The following LTBP4 variants were observed in gnomAD, a reference collection of about 807,000 sequenced individuals.
The protein encoded by LTBP4 is latent transforming growth factor beta binding protein 4.
LTBP4 carries 93 observed loss-of-function variants against 180.2 expected under a neutral mutation model. The observed-to-expected ratio is 0.52, with a 90% CI of 0.44 to 0.61. The LOEUF (loss-of-function observed/expected upper bound fraction) is 0.61, where lower values mean the gene tolerates loss of function less well. Among genes scored for constraint, LTBP4 ranks in the 20% least tolerant of loss-of-function variants. LTBP4 has a pLI of 0.00. For synonymous variants in LTBP4, 947 were observed against 934.5 expected (o/e 1.01, Z -0.24); for missense variants, 2,116 against 2,256.5 (o/e 0.94, Z 1.26).
rs1165322089 is a variant in LTBP4 at position 40,601,497 on chromosome 19, C to A, written c.110C>A (p.Thr37Asn). 6.7e-7 allele frequency: 1 copy of A among 1,497,458 alleles called. No individual in the cohort carries two copies. Among genetic ancestry groups the A allele is most frequent in the Admixed American group, 2.1e-5 (1 of 46,638 alleles). 92.8% of individuals were successfully genotyped at this position (1,497,458 alleles called of 1,614,324 possible). A position where few individuals can be genotyped will look rare whatever the true frequency, so the allele number is the denominator to read the frequency against. Residue 37 changes from threonine (T) to asparagine (N), a missense_variant, in exon 1 of 30, where the codon ACC becomes AAC. By Grantham distance (65) the Thr-to-Asn change is moderately conservative. Transcript: ENST00000396819. ...RLGERLRVRF[T>N]PVVCGLRCVH... ...GGAGAGCGTCTCCGCGTGCGCTTCACCCCGGTCGTGTGCGGCCTGCGCTGC... is the reference window on the plus strand; with the variant it reads ...GGAGAGCGTCTCCGCGTGCGCTTCAACCCGGTCGTGTGCGGCCTGCGCTGC...
intron 24 of LTBP4, 98 bp downstream of exon 24, chr19:40,623,119 T>G (rs1197092812): frequency 8.5e-6 from 7 of 823,504 alleles, no homozygotes; most frequent in Admixed American, 3.0e-5. Flanking sequence ...TTTCTGTTTC[T>G]CTGTATCTGT....
chr19:40,595,072 G>A (rs1399572866), intron 1 of LTBP4, among the ~76,000 whole-genome samples: 1 of 152,100 alleles, frequency 6.6e-6, no homozygotes, highest in Non-Finnish European at 1.5e-5. Flanking sequence ...GAACTGGGAA[G>A]CTTAAGAATC....
chr19:40,624,168 C>T, intron 26 of LTBP4, 86 bp downstream of exon 26: 2 of 1,417,044 alleles, frequency 1.4e-6, no homozygotes, highest in South Asian at 2.9e-5. Flanking sequence ...GACGGCCACG[C>T]CCTCCGAAGG....
intron 1 of LTBP4, among the ~76,000 whole-genome samples, chr19:40,596,100 T>G (rs12610597): frequency 0.16 from 23,500 of 151,562 alleles, 2,376 homozygotes; most frequent in African/African-American, 0.29. Context: ...TTTGTATTTT[T>G]TAGTAGAGAT....
chr19:40,610,274 C>G, intron 11 of LTBP4: 1 of 533,720 alleles, frequency 1.9e-6, no homozygotes, highest in South Asian at 2.8e-5. Context: ...CCCCAAACTG[C>G]TCCTTTCTTC....
upstream of LTBP4, chr19:40,600,237 G>A (rs1187143833): frequency 1.6e-5 from 17 of 1,034,922 alleles, no homozygotes; most frequent in East Asian, 3.3e-5. The surrounding 1 kb of genome is among the most constrained non-coding windows in gnomAD (Gnocchi z 4.4). Context: ...AGATAAAGCC[G>A]TCTGGTTCCC....
In LTBP4 at chr19:40,607,269, C is replaced by A. The variant is rs576333274; in HGVS notation, c.992-96C>A. 2.9e-5 allele frequency: 20 copies of A among 692,934 alleles called. No individual in the cohort carries two copies. The Admixed American group carries it at 5.5e-4, about 19-fold the overall frequency. 42.9% of individuals were successfully genotyped at this position (692,934 alleles called of 1,614,324 possible). On this transcript the variant is annotated intron_variant, in intron 6 of 29. Coordinates refer to ENST00000396819, the MANE Select transcript of LTBP4 (RefSeq NM_001042545.2). Reference sequence around the variant, plus strand: ...GCCCCTCGCACCCACCAACCCCCCACCCCCAACCCCAGAACCATTCCCCTC... The same window carrying A: ...GCCCCTCGCACCCACCAACCCCCCAACCCCAACCCCAGAACCATTCCCCTC...
In LTBP4 at chr19:40,629,426, C is replaced by A; in HGVS notation, c.4550C>A (p.Ala1517Asp). 1 of 1,612,768 alleles carries A rather than the reference C, an allele frequency of 6.2e-7. No individual in the cohort carries two copies. The highest frequency in any genetic ancestry group is 8.5e-7 in the Non-Finnish European group (1 of 1,179,522). The change falls in exon 30 of 30, where the codon GCC (alanine) becomes GAC (aspartate). Residue 1517 changes from alanine (A) to aspartate (D), a missense_variant. This residue lies in a region of LTBP4 where 488 missense variants were observed against 458.8 expected (regional missense o/e 1.06). Coordinates refer to ENST00000396819, the MANE Select transcript of LTBP4 (RefSeq NM_001042545.2). This position sits in a 1 kb window ranked among gnomAD's most constrained non-coding sequence, Gnocchi z 4.5. The part of the protein sequence containing the change: ...DINECDEAEA[A>D]SPLCVNARCL... ...AACGAGTGTGATGAGGCCGAGGCTG[C>A]CTCCCCGCTGTGCGTCAACGCGCGT...
upstream of LTBP4, among the ~76,000 whole-genome samples, chr19:40,596,585 C>T (rs1415020294): frequency 1.3e-5 from 2 of 152,118 alleles, no homozygotes; most frequent in Non-Finnish European, 2.9e-5. Context: ...GGGGAGCAAG[C>T]TTTTGCAGAT....
intron 24 of LTBP4, 129 bp from the exon 25 acceptor site, chr19:40,623,475 T>G: frequency 1.6e-6 from 2 of 1,214,046 alleles, no homozygotes; most frequent in Admixed American, 4.5e-5. Flanking sequence ...GCTCCTGGCC[T>G]CTCCATCTTT....
chr19:40,613,951 A>G lies in LTBP4; in HGVS notation c.2593A>G (p.Ser865Gly), dbSNP rs1190419649. The G allele has an allele frequency of 3.1e-6, 5 of 1,613,282 alleles. No homozygotes were observed. The Admixed American group carries it at 8.3e-5, about 27-fold the overall frequency. Reference protein sequence around the residue: ...DECSEEDLCQSGICTNTDGSF... With the variant: ...DECSEEDLCQGGICTNTDGSF... ...GTGCAGCGAGGAGGACCTTTGCCAG[A>G]GCGGCATCTGTACCAACACCGACGG... The change falls in exon 18 of 30, where the codon AGC (serine) becomes GGC (glycine). Residue 865 changes from serine to glycine, a missense_variant. By Grantham distance (56) the Ser-to-Gly change is moderately conservative. Coordinates refer to ENST00000396819, the MANE Select transcript of LTBP4 (RefSeq NM_001042545.2). This position sits in a 1 kb window ranked among gnomAD's most constrained non-coding sequence, Gnocchi z 5.0.
intron 26 of LTBP4, among the ~76,000 whole-genome samples, chr19:40,625,326 T>TTTTTG (rs1382016549): frequency 3.0e-5 from 1 of 33,042 alleles, no homozygotes; most frequent in Non-Finnish European, 4.8e-5. Context: ...ATTTTTTTTT[T>TTTTTG]TAAAGATGGG....
Position 40,627,842 on chromosome 19 carries a change from C to G in LTBP4, c.4504C>G (p.Arg1502Gly). The change falls in exon 29 of 30, where the codon CGC (arginine) becomes GGC (glycine). Residue 1502 changes from arginine (R) to glycine (G), a missense_variant. Around this residue, in one of 5 missense-constraint regions of LTBP4, gnomAD observed 488 missense variants for 458.8 expected, o/e 1.06. Coordinates refer to ENST00000396819, the MANE Select transcript of LTBP4 (RefSeq NM_001042545.2). ...CFDGYRLDMTRMACVDINECD... is the reference protein window; with the variant it reads ...CFDGYRLDMTGMACVDINECD... ...CGACGGCTACCGCCTGGACATGACC[C>G]GCATGGCCTGCGTTGGTGAGGGCGG... The G allele has an allele frequency of 1.3e-6, 2 of 1,567,848 alleles. No individual in the cohort carries two copies. The highest frequency in any genetic ancestry group is 1.7e-6 in the Non-Finnish European group (2 of 1,163,162).
At chr19:40,602,681 G>C (rs1599859320) in intron 1 of LTBP4, among the ~76,000 whole-genome samples, 1 of 152,208 alleles carries the variant, frequency 6.6e-6, no homozygotes, top group African/African-American at 2.4e-5. Flanking sequence ...GCAAGGAGTG[G>C]CATGTGAAGT....
At position 40,625,837 on chromosome 19, in the gene LTBP4, C is replaced by A; in HGVS notation, c.3833-20C>A. The stretch of plus-strand genomic sequence containing the variant: ...CCTGAGTGCCAGGCCCACTCTGACA[C>A]ATGCTGTCTCCACCTACAGATGACA... On this transcript the variant is annotated intron_variant, in intron 26 of 29. Transcript: ENST00000396819. 1 of 1,544,770 alleles carries A rather than the reference C, an allele frequency of 6.5e-7. No homozygotes were observed. The highest frequency in any genetic ancestry group is 8.7e-7 in the Non-Finnish European group (1 of 1,144,740).
chr19:40,613,753 C>A lies in LTBP4; in HGVS notation c.2558-163C>A. 2.3e-6 allele frequency: 3 copies of A among 1,285,912 alleles called. No homozygotes were observed. Among genetic ancestry groups the A allele is most frequent in the Admixed American group, 2.0e-5 (1 of 50,548 alleles). 79.7% of individuals were successfully genotyped at this position (1,285,912 alleles called of 1,614,324 possible). A position where few individuals can be genotyped will look rare whatever the true frequency, so the allele number is the denominator to read the frequency against. On this transcript the variant is annotated intron_variant, in intron 17 of 29. Transcript: ENST00000396819. This position sits in a 1 kb window ranked among gnomAD's most constrained non-coding sequence, Gnocchi z 5.0. Reference sequence around the variant, plus strand: ...GGACCGTGATTGTAAAGAAGCTGTTCTAAACCCGTCGGGGGGCGGTGTTTG... The same window carrying A: ...GGACCGTGATTGTAAAGAAGCTGTTATAAACCCGTCGGGGGGCGGTGTTTG...
intron 29 of LTBP4, among the ~76,000 whole-genome samples, chr19:40,628,083 G>C (rs2081650892): frequency 6.6e-6 from 1 of 152,238 alleles, no homozygotes; most frequent in South Asian, 2.1e-4. Flanking sequence ...GCTGGAGCCG[G>C]GCCTTGAAGC....
rs370703966 is a variant in LTBP4 at position 40,626,347 on chromosome 19, A to G, written c.3985+338A>G. On this transcript the variant is annotated intron_variant, in intron 27 of 29. Coordinates refer to ENST00000396819, the MANE Select transcript of LTBP4 (RefSeq NM_001042545.2). Reference sequence around the variant, plus strand: ...CCTCCCCTAAATCCTGGGCCCTTAGACCTGAAATGCCAGTTGCTCAGACCT... The same window carrying G: ...CCTCCCCTAAATCCTGGGCCCTTAGGCCTGAAATGCCAGTTGCTCAGACCT... Among the ~76,000 whole-genome samples, 82 of 151,910 alleles carry G rather than the reference A, an allele frequency of 5.4e-4. No homozygotes were observed. The South Asian group carries it at 0.013, about 24-fold the overall frequency.
intron 26 of LTBP4, among the ~76,000 whole-genome samples, chr19:40,625,065 C>T (rs55652103): frequency 0.13 from 19,343 of 149,648 alleles, 1,634 homozygotes; most frequent in African/African-American, 0.25. Flanking sequence ...CTCTTGAACA[C>T]TCTACTTGTC....
Sources: allele counts gnomAD v4.1 joint callset (sites outside exome capture counted in the v4.1 genomes callset), GRCh38; gene constraint gnomAD v4.1.1; regional missense constraint gnomAD v4.1.1; non-coding constraint Gnocchi (gnomAD v3.1); transcripts MANE v1.5; gene names NCBI Gene and HGNC (gene_info 2026-07-23, HGNC 2026-07-21).